The following PXK variants were observed in gnomAD, a reference collection of about 807,000 sequenced individuals.
PXK encodes the protein PX domain containing serine/threonine kinase like.
PXK carries 35 observed loss-of-function variants against 84.7 expected under a neutral mutation model. The ratio of observed to expected loss-of-function variants is 0.41; its 90% CI spans 0.32 to 0.55. PXK has a LOEUF of 0.55. Ranked by LOEUF, PXK falls within the 20% of genes least tolerant of loss-of-function variation. PXK has a pLI of 0.21. For missense variants in PXK, 634 were observed against 699.7 expected (o/e 0.91, Z 1.06); for synonymous variants, 253 against 260.8 (o/e 0.97, Z 0.29).
rs1251413173 is a variant in PXK at position 58,414,057 on chromosome 3, CCTTAT to C, written c.1528+1098_1528+1102del. On this transcript the variant is annotated intron_variant, in intron 17 of 17. Coordinates refer to ENST00000356151, the MANE Select transcript of PXK (RefSeq NM_017771.5). This position sits in a 1 kb window ranked among gnomAD's most constrained non-coding sequence, Gnocchi z 4.5. The stretch of plus-strand genomic sequence containing the variant: ...CTGGTCCATGGGAGGATATTCTTGT[CCTTAT>C]CTTTGTCAGCAGATTTCCCAAGAAA... The C allele has an allele frequency of 6.6e-6, 1 of 152,092 alleles. No homozygotes were observed. Among genetic ancestry groups the C allele is most frequent in the Non-Finnish European group, 1.5e-5 (1 of 68,032 alleles). The allele number at this position is 152,092 out of a possible 1,614,324, so 9.4% of individuals were successfully genotyped here. A position where few individuals can be genotyped will look rare whatever the true frequency, so the allele number is the denominator to read the frequency against.
chr3:58,424,693 A>C (rs2062568818), intron 17 of PXK, 59 bp from the exon 18 acceptor site: 1 of 1,572,008 alleles, frequency 6.4e-7, no homozygotes, highest in Non-Finnish European at 8.6e-7. Flanking sequence ...ACTGAGCAGC[A>C]GCGTGTGTGC....
chr3:58,342,653 AAAAG>A (rs1458181955), intron 1 of PXK, among the ~76,000 whole-genome samples: 1 of 150,184 alleles, frequency 6.7e-6, no homozygotes, highest in Non-Finnish European at 1.5e-5. Flanking sequence ...AAAAAAAAAG[AAAAG>A]AAAAAAAGAA....
At chr3:58,371,917 C>T (rs2098378467) in intron 3 of PXK, among the ~76,000 whole-genome samples, 1 of 152,034 alleles carries the variant, frequency 6.6e-6, no homozygotes, top group Admixed American at 6.6e-5. Flanking sequence ...AAAACAATAT[C>T]CATAAAACAG....
intron 3 of PXK, among the ~76,000 whole-genome samples, chr3:58,369,872 A>T: frequency 6.6e-6 from 1 of 152,186 alleles, no homozygotes. Flanking sequence ...AATATCAGAA[A>T]CAAGAAATTA....
In PXK at chr3:58,398,715, C is replaced by T. The variant is rs2058108832; in HGVS notation, c.1103-584C>T. On this transcript the variant is annotated intron_variant, in intron 11 of 17. Coordinates refer to ENST00000356151, the MANE Select transcript of PXK (RefSeq NM_017771.5). The surrounding 1 kb of genome is among the most constrained non-coding windows in gnomAD (Gnocchi z 4.5). ...GCAGGGTGGCTCTTGGACCCCTGTG[C>T]CTTGGAGATACTCAAGTCCACCCTT... Among the ~76,000 whole-genome samples the T allele has an allele frequency of 1.3e-5, 2 of 152,124 alleles. No individual in the cohort carries two copies. The highest frequency in any genetic ancestry group is 4.8e-5 in the African/African-American group (2 of 41,426).
intron 7 of PXK, among the ~76,000 whole-genome samples, chr3:58,394,726 G>A (rs1029514102): frequency 6.6e-6 from 1 of 152,168 alleles, no homozygotes; most frequent in Non-Finnish European, 1.5e-5. Flanking sequence ...ACACACCAAA[G>A]AGGACCCCTT....
chr3:58,391,762 C>T lies in PXK; in HGVS notation c.541-11C>T, dbSNP rs1403333273. ...AAAACAGTACCCTGATATTCCCTTCCATGTTTTCAGGCTGACCTTGGCCCA... is the reference window on the plus strand; with the variant it reads ...AAAACAGTACCCTGATATTCCCTTCTATGTTTTCAGGCTGACCTTGGCCCA... On this transcript the variant is annotated splice_polypyrimidine_tract_variant and intron_variant, in intron 6 of 17. Transcript: ENST00000356151. 6.2e-7 allele frequency: 1 copy of T among 1,609,902 alleles called. No individual in the cohort carries two copies. The highest frequency in any genetic ancestry group is 1.3e-5 in the African/African-American group (1 of 74,800).
intron 2 of PXK, among the ~76,000 whole-genome samples, chr3:58,367,727 G>C (rs2098296185): frequency 6.6e-6 from 1 of 152,218 alleles, no homozygotes; most frequent in South Asian, 2.1e-4. Context: ...CTGTGGCCCA[G>C]ACTGGAGTGC....
At chr3:58,393,611 T>C (rs552906274) in intron 7 of PXK, among the ~76,000 whole-genome samples, 2 of 152,318 alleles carry the variant, frequency 1.3e-5, no homozygotes, top group South Asian at 4.1e-4. Flanking sequence ...TATTGACATT[T>C]AGATCACCTC....
intron 1 of PXK, among the ~76,000 whole-genome samples, chr3:58,350,045 A>G (rs78174186): frequency 0.014 from 2,150 of 152,320 alleles, 62 homozygotes; most frequent in African/African-American, 0.049. Context: ...AGCACAGTGT[A>G]GAAGCAAAAC....
chr3:58,397,827 A>G lies in PXK; in HGVS notation c.1102+105A>G. ...GACCCAGAGGAAGTTGCTGTCCTCC[A>G]CAGCCAGAAATTCTTACAAAATTTA... On this transcript the variant is annotated intron_variant, in intron 11 of 17. Transcript: ENST00000356151. This position sits in a 1 kb window ranked among gnomAD's most constrained non-coding sequence, Gnocchi z 4.7. The G allele has an allele frequency of 1.2e-6, 1 of 835,250 alleles. No homozygotes were observed. The highest frequency in any genetic ancestry group is 2.3e-5 in the Admixed American group (1 of 44,212). 51.7% of individuals were successfully genotyped at this position (835,250 alleles called of 1,614,324 possible). A position where few individuals can be genotyped will look rare whatever the true frequency, so the allele number is the denominator to read the frequency against.
At chr3:58,405,117 C>T (rs10866016) in intron 13 of PXK, among the ~76,000 whole-genome samples, 45,062 of 151,962 alleles carry the variant, frequency 0.3, 7,431 homozygotes, top group Middle Eastern at 0.39. Flanking sequence ...TTTTAAAATC[C>T]AACATTAGTT....
At chr3:58,367,599 G>A (rs1293694483) in intron 2 of PXK, among the ~76,000 whole-genome samples, 1 of 152,052 alleles carries the variant, frequency 6.6e-6, no homozygotes, top group Non-Finnish European at 1.5e-5. Flanking sequence ...CAAAGACCCG[G>A]GGAAAACTGT....
chr3:58,401,929 C>T lies in PXK; in HGVS notation c.1182-1933C>T, dbSNP rs548966436. On this transcript the variant is annotated intron_variant, in intron 12 of 17. Coordinates refer to ENST00000356151, the MANE Select transcript of PXK (RefSeq NM_017771.5). This position sits in a 1 kb window ranked among gnomAD's most constrained non-coding sequence, Gnocchi z 4.4. ...AATAAAAAATAAAACAAACTGGGGG[C>T]GCAGGATATTCAGCCAGGCATACTG... Among the ~76,000 whole-genome samples the T allele has an allele frequency of 9.9e-5, 15 of 151,952 alleles. No homozygotes were observed. The highest frequency in any genetic ancestry group is 3.4e-3 in the Middle Eastern group (1 of 294).
At chr3:58,381,045 G>A (rs2098495612) in intron 3 of PXK, among the ~76,000 whole-genome samples, 1 of 152,036 alleles carries the variant, frequency 6.6e-6, no homozygotes, top group African/African-American at 2.4e-5. Context: ...TCAGGAGATC[G>A]AGACCATCCT....
Position 58,399,274 on chromosome 3 carries a change from A to C in PXK, c.1103-25A>C. The C allele has an allele frequency of 6.2e-7, 1 of 1,608,770 alleles. No homozygotes were observed. Among genetic ancestry groups the C allele is most frequent in the Non-Finnish European group, 8.5e-7 (1 of 1,175,134 alleles). On this transcript the variant is annotated intron_variant, in intron 11 of 17. Transcript: ENST00000356151. The surrounding 1 kb of genome is among the most constrained non-coding windows in gnomAD (Gnocchi z 4.3). ...ATTTGCCAGCGTGTTCTGTGGAACTAAAATGTGTATCTGTTCATTTCAAGT... is the reference window on the plus strand; with the variant it reads ...ATTTGCCAGCGTGTTCTGTGGAACTCAAATGTGTATCTGTTCATTTCAAGT...
intron 6 of PXK, 48 bp from the exon 7 acceptor site, chr3:58,391,725 C>A: frequency 6.6e-7 from 1 of 1,512,604 alleles, no homozygotes; most frequent in Non-Finnish European, 9.2e-7. Context: ...AGGAATTTTT[C>A]TTTTGGTGAC....
intron 1 of PXK, among the ~76,000 whole-genome samples, chr3:58,340,028 G>A (rs960819722): frequency 2.2e-4 from 34 of 151,738 alleles, no homozygotes; most frequent in African/African-American, 7.0e-4. Context: ...ATGTTGGCCC[G>A]GCTGGTCTTG....
chr3:58,356,426 C>A (rs1237081603), intron 1 of PXK, among the ~76,000 whole-genome samples: 1 of 152,094 alleles, frequency 6.6e-6, no homozygotes, highest in African/African-American at 2.4e-5. Flanking sequence ...GATCCTGTTC[C>A]ACATCGGAGA....
Sources: gnomAD v4.1 joint callset for allele counts (sites outside exome capture counted in the v4.1 genomes callset) on GRCh38, gnomAD v4.1.1 for gene constraint, Gnocchi (gnomAD v3.1) non-coding constraint, MANE v1.5 for transcripts, NCBI Gene and HGNC (gene_info 2026-07-23, HGNC 2026-07-21) for gene names.